The following RNF13 variants were observed in gnomAD, a reference collection of about 807,000 sequenced individuals.
RNF13 encodes ring finger protein 13, also known as E3 ubiquitin-protein ligase RNF13.
In RNF13, 19 loss-of-function variants were observed where a neutral mutation model predicts 37.7. That is an observed-to-expected ratio of 0.50 (90% confidence interval 0.35 to 0.74). The LOEUF (loss-of-function observed/expected upper bound fraction) is 0.74, where lower values mean the gene tolerates loss of function less well. Among genes scored for constraint, RNF13 ranks in the 30% least tolerant of loss-of-function variants. RNF13 has a pLI of 0.01. For missense variants in RNF13, 375 were observed against 453.0 expected (o/e 0.83, Z 1.56); for synonymous variants, 144 against 157.8 (o/e 0.91, Z 0.65).
At chr3:149,851,050 A>G (rs1723075312) in intron 2 of RNF13, 1 of 152,234 alleles carries the variant, frequency 6.6e-6, no homozygotes, top group African/African-American at 2.4e-5. Flanking sequence ...GACTGCATTT[A>G]GATGCTTGAA....
chr3:149,911,899 A>G (rs981284899), intron 6 of RNF13, 79 bp from the exon 7 acceptor site: 1 of 785,638 alleles, frequency 1.3e-6, no homozygotes, highest in Admixed American at 2.1e-5. Flanking sequence ...GTTTTTAAAA[A>G]TATTTTTTCC....
Position 149,869,789 on chromosome 3 carries a change from A to G in RNF13, c.196-2240A>G, listed in dbSNP as rs1041610295. On this transcript the variant is annotated intron_variant, in intron 3 of 9. Coordinates refer to ENST00000392894, the MANE Select transcript of RNF13 (RefSeq NM_183381.3). ...CTCTGTCTGGCTTGTTTTGGTTTCTATTGGATGTATTTGGTTAGAGGTTAT... is the reference window on the plus strand; with the variant it reads ...CTCTGTCTGGCTTGTTTTGGTTTCTGTTGGATGTATTTGGTTAGAGGTTAT... Among the ~76,000 whole-genome samples, 9 of 151,552 alleles carry G rather than the reference A, an allele frequency of 5.9e-5. 1 individual carries two copies. Among genetic ancestry groups the G allele is most frequent in the Non-Finnish European group, 1.3e-4 (9 of 67,792 alleles).
chr3:149,924,913 A>G (rs1375109884), intron 8 of RNF13, among the ~76,000 whole-genome samples: 1 of 152,156 alleles, frequency 6.6e-6, no homozygotes, highest in Non-Finnish European at 1.5e-5. Flanking sequence ...AAAAAGGTGA[A>G]CTGGCCTTAG....
rs762713114 is a variant in RNF13 at position 149,893,207 on chromosome 3, CGTT to C, written c.322-2263_322-2261del. Among the ~76,000 whole-genome samples the C allele has an allele frequency of 3.0e-4, 46 of 152,274 alleles. No individual in the cohort carries two copies. In the East Asian group the frequency reaches 6.4e-3, roughly 21 times the overall value. On this transcript the variant is annotated intron_variant, in intron 4 of 9. Transcript: ENST00000392894. ...GCTGAATTCAGCCACAGTTTTTACTCGTTGTGCTTTCTGAGACCACTTTTCTCT... is the reference window on the plus strand; with the variant it reads ...GCTGAATTCAGCCACAGTTTTTACTCGTGCTTTCTGAGACCACTTTTCTCT...
intron 8 of RNF13, among the ~76,000 whole-genome samples, chr3:149,927,344 G>A (rs1037290503): frequency 6.6e-6 from 1 of 152,212 alleles, no homozygotes; most frequent in African/African-American, 2.4e-5. Flanking sequence ...CGGAATAATA[G>A]TCTGTTGTGT....
chr3:149,837,508 C>G (rs114249303), intron 1 of RNF13, among the ~76,000 whole-genome samples: 1,825 of 152,254 alleles, frequency 0.012, 16 homozygotes, highest in Non-Finnish European at 0.02. Context: ...CTTACAGTTC[C>G]ACATCACTGG....
At chr3:149,898,548 A>G (rs545009765) in intron 5 of RNF13, among the ~76,000 whole-genome samples, 3 of 152,238 alleles carry the variant, frequency 2.0e-5, no homozygotes, top group African/African-American at 2.4e-5. Context: ...CCTAATATCT[A>G]TATGCTTCAG....
chr3:149,827,398 A>G (rs35777671), intron 1 of RNF13, among the ~76,000 whole-genome samples: 1 of 152,194 alleles, frequency 6.6e-6, no homozygotes, highest in Non-Finnish European at 1.5e-5. Context: ...GGATGACTGT[A>G]TATATAAACT....
At chr3:149,859,057 G>T (rs1474360921) in intron 3 of RNF13, among the ~76,000 whole-genome samples, 1 of 152,174 alleles carries the variant, frequency 6.6e-6, no homozygotes, top group Non-Finnish European at 1.5e-5. Context: ...GCCACTTAGT[G>T]TATTTTTCCT....
chr3:149,864,515 G>C (rs918709358), intron 3 of RNF13, among the ~76,000 whole-genome samples: 8 of 151,956 alleles, frequency 5.3e-5, no homozygotes, highest in African/African-American at 1.5e-4. Flanking sequence ...CAATTAAAAG[G>C]CATTGTCCTC....
chr3:149,885,739 G>T (rs79659394), intron 4 of RNF13, among the ~76,000 whole-genome samples: 4,541 of 152,146 alleles, frequency 0.03, 80 homozygotes, highest in South Asian at 0.036. Flanking sequence ...TATCTTGATA[G>T]GAGTCCATTT....
chr3:149,950,335 T>A (rs1401276493), intron 8 of RNF13, among the ~76,000 whole-genome samples: 1 of 152,226 alleles, frequency 6.6e-6, no homozygotes, highest in African/African-American at 2.4e-5. Flanking sequence ...TGCCTTTTAG[T>A]ATGCTTTGTA....
At chr3:149,923,382 G>GC (rs1409462709) in intron 8 of RNF13, among the ~76,000 whole-genome samples, 1 of 152,032 alleles carries the variant, frequency 6.6e-6, no homozygotes, top group Non-Finnish European at 1.5e-5. Context: ...GTGCCACTGG[G>GC]CCCAGCCTGG....
At chr3:149,856,904 C>T (rs1389452944) in intron 3 of RNF13, among the ~76,000 whole-genome samples, 9 of 152,146 alleles carry the variant, frequency 5.9e-5, no homozygotes, top group East Asian at 1.9e-4. Context: ...CCCGCCACTA[C>T]GCACGGCTAA....
In RNF13 at chr3:149,825,712, A is replaced by G. The variant is rs560850125; in HGVS notation, c.-17+12359A>G. On this transcript the variant is annotated intron_variant, in intron 1 of 9. Transcript: ENST00000392894. ...CTCTCTTCCAAGTTTGTCCCTTTGT[A>G]ATGTCTCCCTCAGTGTTACTCTCTT... Among the ~76,000 whole-genome samples, 122 of 152,326 alleles carry G rather than the reference A, an allele frequency of 8.0e-4. 1 individual carries two copies. Among genetic ancestry groups the G allele is most frequent in the Admixed American group, 6.5e-3 (99 of 15,304 alleles).
At chr3:149,829,439 A>G (rs1292042207) in intron 1 of RNF13, among the ~76,000 whole-genome samples, 1 of 152,202 alleles carries the variant, frequency 6.6e-6, no homozygotes, top group East Asian at 1.9e-4. Context: ...AAAGTAAAAA[A>G]TTGATCATTT....
intron 3 of RNF13, among the ~76,000 whole-genome samples, chr3:149,865,364 CATT>C (rs1401878324): frequency 7.7e-6 from 1 of 130,042 alleles, no homozygotes; most frequent in African/African-American, 2.7e-5. Context: ...ATAAAACAGA[CATT>C]ATATTTGTTG....
intron 8 of RNF13, among the ~76,000 whole-genome samples, chr3:149,955,225 T>C (rs1721745019): frequency 6.6e-6 from 1 of 152,056 alleles, no homozygotes; most frequent in African/African-American, 2.4e-5. Flanking sequence ...AGCATTTTAG[T>C]AGATTTCATA....
intron 8 of RNF13, among the ~76,000 whole-genome samples, chr3:149,937,985 AT>A (rs2108572040): frequency 6.6e-6 from 1 of 151,754 alleles, no homozygotes; most frequent in East Asian, 1.9e-4. Flanking sequence ...GTCCTTACTG[AT>A]TTTCTGCCTG....
Sources: allele counts gnomAD v4.1 joint callset (sites outside exome capture counted in the v4.1 genomes callset), GRCh38; gene constraint gnomAD v4.1.1; transcripts MANE v1.5; gene names NCBI Gene and HGNC (gene_info 2026-07-23, HGNC 2026-07-21).